The following STOX1 variants were observed in gnomAD, a reference collection of about 807,000 sequenced individuals.
STOX1 encodes the protein storkhead-box protein 1.
STOX1 carries 57 observed loss-of-function variants against 74.8 expected under a neutral mutation model. The observed-to-expected ratio is 0.76, with a 90% CI of 0.62 to 0.95. STOX1 has a LOEUF of 0.95. Ranked by LOEUF, STOX1 falls within the 40% of genes least tolerant of loss-of-function variation. STOX1 has a pLI of 0.00. For missense variants in STOX1, 1,010 were observed against 1,117.0 expected (o/e 0.90, Z 1.37); for synonymous variants, 375 against 401.3 (o/e 0.93, Z 0.78).
chr10:68,871,253 G>A lies in STOX1; in HGVS notation c.311-10705G>A, dbSNP rs185215674. The stretch of plus-strand genomic sequence containing the variant: ...GTGAGGGTGGTGGCCATGGGGGAAG[G>A]GAGCTAGAGGCTCAAAGGGCACCCC... On this transcript the variant is annotated intron_variant, in intron 1 of 3. Coordinates refer to ENST00000298596, the MANE Select transcript of STOX1 (RefSeq NM_152709.5). 5.4e-4 allele frequency among the ~76,000 whole-genome samples: 82 copies of A among 152,324 alleles called. 1 individual carries two copies. Among genetic ancestry groups the A allele is most frequent in the African/African-American group, 1.9e-3 (78 of 41,564 alleles).
At chr10:68,856,700 C>T (rs1045926227) in intron 1 of STOX1, among the ~76,000 whole-genome samples, 20 of 152,084 alleles carry the variant, frequency 1.3e-4, no homozygotes, top group Admixed American at 5.9e-4. Flanking sequence ...CGTGGCCCTG[C>T]AGCCCTCATA....
At chr10:68,880,789 T>G (rs977694435) in intron 1 of STOX1, among the ~76,000 whole-genome samples, 1 of 151,798 alleles carries the variant, frequency 6.6e-6, no homozygotes, top group African/African-American at 2.4e-5. Flanking sequence ...ACCTCCTGGG[T>G]TTTAAGCAAT....
chr10:68,831,113 T>G (rs1027353204), intron 1 of STOX1, among the ~76,000 whole-genome samples: 1 of 152,132 alleles, frequency 6.6e-6, no homozygotes, highest in Admixed American at 6.5e-5. Flanking sequence ...TCACTGTTAT[T>G]TTGTAGGAAA....
At chr10:68,831,606 A>G (rs960472697) in intron 1 of STOX1, among the ~76,000 whole-genome samples, 1 of 152,146 alleles carries the variant, frequency 6.6e-6, no homozygotes, top group African/African-American at 2.4e-5. Flanking sequence ...TATAAGTCCA[A>G]CTGTGCTGCC....
intron 1 of STOX1, among the ~76,000 whole-genome samples, chr10:68,833,752 C>T (rs1041674283): frequency 2.6e-5 from 4 of 152,194 alleles, no homozygotes; most frequent in Middle Eastern, 3.2e-3. Flanking sequence ...GCCGGGCTAC[C>T]TGCCTTTAGT....
At chr10:68,893,701 GCCACC>G (rs1841145465), downstream of STOX1, among the ~76,000 whole-genome samples, 1 of 152,212 alleles carries the variant, frequency 6.6e-6, no homozygotes, top group Admixed American at 6.5e-5. Context: ...ACAGGCATGA[GCCACC>G]GCACCTGACC....
intron 1 of STOX1, among the ~76,000 whole-genome samples, chr10:68,831,776 C>T (rs1429041888): frequency 6.6e-6 from 1 of 152,160 alleles, no homozygotes; most frequent in Admixed American, 6.6e-5. Flanking sequence ...TGATTTCATT[C>T]TCTCTACCTT....
At chr10:68,872,614 T>G (rs926223615) in intron 1 of STOX1, among the ~76,000 whole-genome samples, 2 of 152,208 alleles carry the variant, frequency 1.3e-5, no homozygotes, top group African/African-American at 4.8e-5. Flanking sequence ...CCCAAAGTGT[T>G]GGGATTACAG....
At chr10:68,886,972 A>G (rs184457543) in intron 3 of STOX1, among the ~76,000 whole-genome samples, 2 of 152,294 alleles carry the variant, frequency 1.3e-5, no homozygotes, top group Admixed American at 1.3e-4. Flanking sequence ...TTCTACAGGA[A>G]TTATGAAAAT....
At chr10:68,856,264 G>A (rs924989111) in intron 1 of STOX1, among the ~76,000 whole-genome samples, 1 of 152,054 alleles carries the variant, frequency 6.6e-6, no homozygotes, top group African/African-American at 2.4e-5. Flanking sequence ...AACCCTAACA[G>A]TTAAATTCAG....
intron 1 of STOX1, among the ~76,000 whole-genome samples, chr10:68,863,437 A>C (rs923056550): frequency 3.9e-5 from 6 of 152,092 alleles, no homozygotes; most frequent in African/African-American, 1.2e-4. Flanking sequence ...AGGAAAAAAA[A>C]AACAGATGAG....
chr10:68,877,457 G>A (rs1478881898), intron 1 of STOX1, among the ~76,000 whole-genome samples: 1 of 152,118 alleles, frequency 6.6e-6, no homozygotes, highest in Non-Finnish European at 1.5e-5. Context: ...CTCTTATTTT[G>A]AAGTAATTAT....
intron 1 of STOX1, among the ~76,000 whole-genome samples, chr10:68,865,949 ACAATGG>A (rs1392962815): frequency 6.6e-6 from 1 of 152,100 alleles, no homozygotes; most frequent in Non-Finnish European, 1.5e-5. Flanking sequence ...TGGAGGCTTA[ACAATGG>A]CCACCATCAA....
intron 1 of STOX1, among the ~76,000 whole-genome samples, chr10:68,840,599 C>T (rs1269233735): frequency 6.6e-6 from 1 of 152,094 alleles, no homozygotes; most frequent in Non-Finnish European, 1.5e-5. Flanking sequence ...CTCATTCTGT[C>T]ACACAGGCTG....
At chr10:68,847,857 A>C (rs1037875955) in intron 1 of STOX1, among the ~76,000 whole-genome samples, 3 of 151,910 alleles carry the variant, frequency 2.0e-5, no homozygotes, top group Admixed American at 6.6e-5. Context: ...TCAGCCTCCC[A>C]AGTAGCTGGG....
intron 1 of STOX1, among the ~76,000 whole-genome samples, chr10:68,854,758 C>CAT (rs1459462909): frequency 6.6e-6 from 1 of 152,076 alleles, no homozygotes; most frequent in Non-Finnish European, 1.5e-5. Flanking sequence ...GCCTACCTTT[C>CAT]ATATGCATGA....
chr10:68,849,317 G>A (rs1839924949), intron 1 of STOX1, among the ~76,000 whole-genome samples: 1 of 152,142 alleles, frequency 6.6e-6, no homozygotes, highest in South Asian at 2.1e-4. Flanking sequence ...TGGCATAGAT[G>A]TGTTCCATGC....
chr10:68,844,919 C>A (rs548567727), intron 1 of STOX1, among the ~76,000 whole-genome samples: 29 of 152,060 alleles, frequency 1.9e-4, no homozygotes, highest in African/African-American at 6.5e-4. Flanking sequence ...CACACCACCA[C>A]GCCCAGCTAA....
At chr10:68,835,187 G>A (rs1189479996) in intron 1 of STOX1, among the ~76,000 whole-genome samples, 2 of 150,350 alleles carry the variant, frequency 1.3e-5, no homozygotes, top group Non-Finnish European at 2.9e-5. Flanking sequence ...GATTACAGGC[G>A]CCTGCCACCA....
Sources: allele counts gnomAD v4.1 joint callset (sites outside exome capture counted in the v4.1 genomes callset), GRCh38; gene constraint gnomAD v4.1.1; transcripts MANE v1.5; gene names NCBI Gene and HGNC (gene_info 2026-07-23, HGNC 2026-07-21).